The following CHLSN variants were observed in gnomAD, a reference collection of about 807,000 sequenced individuals.
CHLSN encodes cholesin.
chr7:1,001,307 C>T, the CHLSN span, among the ~76,000 whole-genome samples: 39 of 152,072 alleles, frequency 2.6e-4, no homozygotes, highest in Non-Finnish European at 7.4e-5. Flanking sequence ...CCCAGCTTGC[C>T]TGACCCCACT....
chr7:1,112,781 T>C, the CHLSN span, among the ~76,000 whole-genome samples: 1 of 151,658 alleles, frequency 6.6e-6, no homozygotes, highest in African/African-American at 2.4e-5. Context: ...CAGCTGTGCT[T>C]GCAGTGCGAA....
At chr7:1,110,490 C>T in the CHLSN span, among the ~76,000 whole-genome samples, 1 of 152,236 alleles carries the variant, frequency 6.6e-6, no homozygotes, top group African/African-American at 2.4e-5. Flanking sequence ...GCCGCCTGGG[C>T]AGCCTGAGCG....
chr7:1,077,108 C>T, the CHLSN span, among the ~76,000 whole-genome samples: 2 of 152,252 alleles, frequency 1.3e-5, no homozygotes, highest in African/African-American at 4.8e-5. Flanking sequence ...TTACAAAGGC[C>T]TGAGCACTTT....
At chr7:1,007,996 C>G in the CHLSN span, among the ~76,000 whole-genome samples, 3 of 152,190 alleles carry the variant, frequency 2.0e-5, no homozygotes, top group Non-Finnish European at 2.9e-5. Context: ...CCTTGTCTAA[C>G]AGTCCACACT....
the CHLSN span, chr7:1,077,945 C>T: frequency 6.6e-6 from 1 of 152,274 alleles, no homozygotes; most frequent in East Asian, 1.9e-4. Flanking sequence ...TCCGTGACCG[C>T]TGGGCGTGTG....
the CHLSN span, among the ~76,000 whole-genome samples, chr7:1,075,328 T>C: frequency 2.6e-5 from 4 of 152,088 alleles, no homozygotes; most frequent in South Asian, 2.1e-4. Flanking sequence ...CTCTTCAACA[T>C]GGTAAAATCC....
At chr7:986,327 G>A in the CHLSN span, 3 of 455,082 alleles carry the variant, frequency 6.6e-6, no homozygotes, top group Admixed American at 7.8e-5. Flanking sequence ...ATGACTCACA[G>A]GAGGTTCAAG....
the CHLSN span, chr7:1,000,627 G>T: frequency 8.1e-7 from 1 of 1,236,808 alleles, no homozygotes; most frequent in Non-Finnish European, 1.2e-6. Flanking sequence ...GAGAGATCGG[G>T]GACGCCTCAT....
At chr7:988,693 C>A in the CHLSN span, 1 of 1,600,042 alleles carries the variant, frequency 6.2e-7, no homozygotes, top group Non-Finnish European at 8.5e-7. Flanking sequence ...TGCTGTTTGC[C>A]GGCCTCCTGC....
At chr7:1,108,740 GAC>G in the CHLSN span, among the ~76,000 whole-genome samples, 1 of 152,146 alleles carries the variant, frequency 6.6e-6, no homozygotes, top group Admixed American at 6.5e-5. Context: ...TGTCACTGCT[GAC>G]ACACACGCCC....
At chr7:1,009,953 C>T in the CHLSN span, 4 of 1,552,522 alleles carry the variant, frequency 2.6e-6, no homozygotes, top group African/African-American at 2.7e-5. Flanking sequence ...CGCTCACCTG[C>T]AGAGGTAGTC....
At chr7:1,087,257 G>A in the CHLSN span, 1 of 152,258 alleles carries the variant, frequency 6.6e-6, no homozygotes, top group Non-Finnish European at 1.5e-5. Flanking sequence ...AAGTTCCGAC[G>A]CTTCTGCAGC....
At chr7:1,038,380 G>A in the CHLSN span, among the ~76,000 whole-genome samples, 1 of 95,868 alleles carries the variant, frequency 1.0e-5, no homozygotes, top group Admixed American at 9.4e-5. Context: ...GCCCCTACTG[G>A]GAAGTGAGGG....
chr7:1,057,080 C>T, the CHLSN span, among the ~76,000 whole-genome samples: 2 of 152,108 alleles, frequency 1.3e-5, no homozygotes, highest in African/African-American at 2.4e-5. Context: ...CAGGGCTGAC[C>T]GTCCACATTG....
chr7:985,935 G>A, the CHLSN span, among the ~76,000 whole-genome samples: 5 of 152,112 alleles, frequency 3.3e-5, no homozygotes, highest in East Asian at 1.9e-4. Flanking sequence ...GTTCACAAGC[G>A]AGAGCAGGGG....
At chr7:979,266 G>A in the CHLSN span, among the ~76,000 whole-genome samples, 10 of 152,134 alleles carry the variant, frequency 6.6e-5, no homozygotes, top group African/African-American at 9.7e-5. Flanking sequence ...GCAATGTTTC[G>A]GGCCTCAGCT....
At chr7:1,112,435 G>A in the CHLSN span, among the ~76,000 whole-genome samples, 1 of 152,158 alleles carries the variant, frequency 6.6e-6, no homozygotes, top group African/African-American at 2.4e-5. Flanking sequence ...TGGCTGGGAC[G>A]GCTACCCCCA....
At chr7:1,022,301 C>G in the CHLSN span, among the ~76,000 whole-genome samples, 1 of 152,202 alleles carries the variant, frequency 6.6e-6, no homozygotes, top group Non-Finnish European at 1.5e-5. Context: ...TCGCCTCAGA[C>G]CCCACCCAGG....
chr7:1,047,291 A>G, the CHLSN span, among the ~76,000 whole-genome samples: 9 of 152,224 alleles, frequency 5.9e-5, no homozygotes, highest in Admixed American at 6.5e-5. Flanking sequence ...GCTATTATCC[A>G]TGGAAAAAGA....
Sources: gnomAD v4.1 joint callset for allele counts (sites outside exome capture counted in the v4.1 genomes callset) on GRCh38, gnomAD v4.1.1 for gene constraint, MANE v1.5 for transcripts, NCBI Gene and HGNC (gene_info 2026-07-23, HGNC 2026-07-21) for gene names.